ITIH5: variants seen among roughly 807,000 people sequenced by gnomAD.
The protein encoded by ITIH5 is inter-alpha-trypsin inhibitor heavy chain H5.
In ITIH5, 65 loss-of-function variants were observed where a neutral mutation model predicts 77.5. The observed-to-expected ratio is 0.84, with a 90% confidence interval of 0.69 to 1.03. The LOEUF (loss-of-function observed/expected upper bound fraction) is 1.03, where lower values mean the gene tolerates loss of function less well. Ranked by LOEUF, ITIH5 falls within the 50% of genes least tolerant of loss-of-function variation. The pLI is 0.00. For missense variants in ITIH5, 1,208 were observed against 1,213.1 expected, an observed-to-expected ratio of 1.00 and a Z score of 0.06; for synonymous variants, 525 against 494.3, an observed-to-expected ratio of 1.06 and a Z score of -0.82.
chr10:7,575,333 G>T (rs961021377), intron 10 of ITIH5, among the ~76,000 whole-genome samples: 1 of 152,152 alleles, frequency 6.6e-6, no homozygotes, highest in East Asian at 1.9e-4. Context: ...GGTCAGGAGG[G>T]TTGGTGAATC....
At chr10:7,617,680 C>T (rs936486066) in intron 5 of ITIH5, 2 of 153,888 alleles carry the variant, frequency 1.3e-5, no homozygotes, top group Admixed American at 6.5e-5. Context: ...TCCAGTATGT[C>T]TTTACCTGTA....
At chr10:7,585,824 G>GCAAAAAAA in intron 8 of ITIH5, 77 bp downstream of exon 8, 5 of 1,061,072 alleles carry the variant, frequency 4.7e-6, no homozygotes, top group South Asian at 3.4e-5. Flanking sequence ...TTATCTCTTG[G>GCAAAAAAA]CAAAAAAAAA....
chr10:7,610,047 C>T (rs1280078863), intron 7 of ITIH5, among the ~76,000 whole-genome samples: 1 of 149,590 alleles, frequency 6.7e-6, no homozygotes, highest in African/African-American at 2.5e-5. Context: ...TCTCCCCCCT[C>T]CCTTTCTTTT....
At chr10:7,618,486 T>C (rs887178796) in intron 5 of ITIH5, 2 of 152,204 alleles carry the variant, frequency 1.3e-5, no homozygotes, top group Non-Finnish European at 2.9e-5. Flanking sequence ...CTCACGTTTA[T>C]AAACCCAAAC....
chr10:7,567,440 T>A (rs890432678), intron 12 of ITIH5, among the ~76,000 whole-genome samples: 3 of 151,562 alleles, frequency 2.0e-5, no homozygotes, highest in Non-Finnish European at 4.4e-5. Context: ...CTGCACCCAT[T>A]AACTCGTCAT....
At chr10:7,585,358 C>G (rs1832650263) in intron 8 of ITIH5, among the ~76,000 whole-genome samples, 1 of 152,134 alleles carries the variant, frequency 6.6e-6, no homozygotes, top group South Asian at 2.1e-4. Flanking sequence ...GCACCCTTAC[C>G]TGGGCAACAC....
At chr10:7,625,942 C>T (rs772611247) in intron 5 of ITIH5, among the ~76,000 whole-genome samples, 1 of 152,140 alleles carries the variant, frequency 6.6e-6, no homozygotes, top group Non-Finnish European at 1.5e-5. Context: ...CCTTGCACAG[C>T]GCCAGAAACA....
intron 7 of ITIH5, among the ~76,000 whole-genome samples, chr10:7,607,381 T>C (rs7897346): frequency 0.11 from 16,315 of 152,204 alleles, 1,164 homozygotes; most frequent in African/African-American, 0.2. Flanking sequence ...GCGTGGTGGC[T>C]CATTCCTGTA....
At chr10:7,625,760 G>A (rs972359675) in intron 5 of ITIH5, among the ~76,000 whole-genome samples, 3 of 142,012 alleles carry the variant, frequency 2.1e-5, no homozygotes, top group Non-Finnish European at 4.5e-5. Flanking sequence ...GTGATATTCT[G>A]TCTCAAAAAA....
Position 7,583,125 on chromosome 10 carries a change from C to T in ITIH5, c.1108+2776G>A, listed in dbSNP as rs184698482. ...TAAACACATATACCTACTCTGGACC[C>T]ACAAAAATTAAAAATTAAAATTAAA... On this transcript the variant is annotated intron_variant, in intron 8 of 13. Transcript: ENST00000397146. 2.6e-5 allele frequency among the ~76,000 whole-genome samples: 4 copies of T among 152,076 alleles called. No individual in the cohort carries two copies. The East Asian group carries it at 7.7e-4, about 29-fold the overall frequency.
chr10:7,628,295 G>A (rs1331556415), intron 5 of ITIH5, among the ~76,000 whole-genome samples: 1 of 152,124 alleles, frequency 6.6e-6, no homozygotes, highest in African/African-American at 2.4e-5. Flanking sequence ...CCTCCTCCCA[G>A]CCCCAGGCAA....
chr10:7,572,529 TC>T, intron 11 of ITIH5: 3 of 1,200,226 alleles, frequency 2.5e-6, no homozygotes, highest in Non-Finnish European at 3.2e-6. Context: ...ACAAATGTCT[TC>T]TAAACTCAAT....
Position 7,666,799 on chromosome 10 carries a change from T to A in ITIH5, c.90+4A>T. On this transcript the variant is annotated splice_donor_region_variant and intron_variant, in intron 1 of 13. Coordinates refer to ENST00000397146, the MANE Select transcript of ITIH5 (RefSeq NM_030569.7). ...GGGACCCGGCTCCCCTCGGCTCCACTTACCTGCTCCGAAGAGTGGCCCCAG... is the reference window on the plus strand; with the variant it reads ...GGGACCCGGCTCCCCTCGGCTCCACATACCTGCTCCGAAGAGTGGCCCCAG... 2 of 1,604,346 alleles carry A rather than the reference T, an allele frequency of 1.2e-6. No homozygotes were observed. The highest frequency in any genetic ancestry group is 1.7e-6 in the Non-Finnish European group (2 of 1,176,152).
At chr10:7,620,397 T>C (rs1182000913) in intron 5 of ITIH5, 1 of 152,158 alleles carries the variant, frequency 6.6e-6, no homozygotes, top group Non-Finnish European at 1.5e-5. Flanking sequence ...GAGCATGAAA[T>C]ACCCATGGCA....
chr10:7,580,112 G>A lies in ITIH5; in HGVS notation c.1109-48C>T, dbSNP rs12262854. ...AGCTCAAGCCTCTGCACTCACCTCCGCACTCTGATTGCACTTTCTTTTTTT... is the reference window on the plus strand; with the variant it reads ...AGCTCAAGCCTCTGCACTCACCTCCACACTCTGATTGCACTTTCTTTTTTT... On this transcript the variant is annotated intron_variant, in intron 8 of 13. Coordinates refer to ENST00000397146, the MANE Select transcript of ITIH5 (RefSeq NM_030569.7). The A allele has an allele frequency of 3.4e-6, 5 of 1,470,554 alleles. No individual in the cohort carries two copies. The African/African-American group carries it at 5.6e-5, about 16-fold the overall frequency. 91.1% of individuals were successfully genotyped at this position (1,470,554 alleles called of 1,614,324 possible).
At chr10:7,658,913 C>G (rs1345616521) in intron 1 of ITIH5, among the ~76,000 whole-genome samples, 1 of 152,086 alleles carries the variant, frequency 6.6e-6, no homozygotes, top group Non-Finnish European at 1.5e-5. Flanking sequence ...GTCAAACCCC[C>G]ACTTCCCAGA....
At chr10:7,594,371 C>T (rs1452689972) in intron 7 of ITIH5, among the ~76,000 whole-genome samples, 4 of 152,150 alleles carry the variant, frequency 2.6e-5, no homozygotes, top group Non-Finnish European at 4.4e-5. Context: ...CAGGAAGCCA[C>T]GCTCGTGTCC....
At chr10:7,585,162 G>A (rs1412131113) in intron 8 of ITIH5, among the ~76,000 whole-genome samples, 1 of 152,192 alleles carries the variant, frequency 6.6e-6, no homozygotes, top group Admixed American at 6.5e-5. Context: ...GTCAAGTTCT[G>A]CTAAATGCTC....
intron 2 of ITIH5, among the ~76,000 whole-genome samples, chr10:7,653,758 C>G (rs2131103860): frequency 6.6e-6 from 1 of 152,280 alleles, no homozygotes; most frequent in Non-Finnish European, 1.5e-5. Context: ...GAACTGGACT[C>G]AAATCCTGGC....
Sources: allele counts gnomAD v4.1 joint callset (sites outside exome capture counted in the v4.1 genomes callset), GRCh38; gene constraint gnomAD v4.1.1; transcripts MANE v1.5; gene names NCBI Gene and HGNC (gene_info 2026-07-23, HGNC 2026-07-21).